The following CSMD1 variants were observed in gnomAD, a reference collection of about 807,000 sequenced individuals.
The protein encoded by CSMD1 is CUB and Sushi multiple domains 1.
In CSMD1, 213 loss-of-function variants were observed where a neutral mutation model predicts 417.5. The ratio of observed to expected loss-of-function variants is 0.51; its 90% CI spans 0.46 to 0.57. CSMD1 has a LOEUF of 0.57. Ranked by LOEUF, CSMD1 falls within the 20% of genes least tolerant of loss-of-function variation. The pLI, the probability that CSMD1 is intolerant of heterozygous loss-of-function variation, is 0.00. For synonymous variants in CSMD1, 2,862 were observed against 1,736.8 expected, an observed-to-expected ratio of 1.65 and a Z score of -16.11; for missense variants, 6,923 against 4,529.7, an observed-to-expected ratio of 1.53 and a Z score of -15.17.
chr8:3,261,444 C>A (rs1037779026), intron 26 of CSMD1, among the ~76,000 whole-genome samples: 6 of 152,062 alleles, frequency 3.9e-5, no homozygotes, highest in Middle Eastern at 3.2e-3. Context: ...GCGCCAAAAT[C>A]CTACAAATCA....
At position 4,047,798 on chromosome 8, in the gene CSMD1, G is replaced by T. The variant is rs60625973; in HGVS notation, c.416-15699C>A. Among the ~76,000 whole-genome samples the T allele has an allele frequency of 3.3e-5, 5 of 151,930 alleles. No homozygotes were observed. In the East Asian group the frequency reaches 5.8e-4, roughly 18 times the overall value. On this transcript the variant is annotated intron_variant, in intron 3 of 69. Transcript: ENST00000635120. Reference sequence around the variant, plus strand: ...AGGTAGAGAATGCAATTTTACATTAGGTAGTCAGGAAACACCTCAATAAGA... The same window carrying T: ...AGGTAGAGAATGCAATTTTACATTATGTAGTCAGGAAACACCTCAATAAGA...
intron 5 of CSMD1, among the ~76,000 whole-genome samples, chr8:3,882,997 C>G (rs1200487798): frequency 6.6e-6 from 1 of 152,152 alleles, no homozygotes; most frequent in Non-Finnish European, 1.5e-5. Flanking sequence ...GATATGTGCA[C>G]ACTTCTGCAT....
chr8:4,439,096 G>A (rs898243518), intron 2 of CSMD1, among the ~76,000 whole-genome samples: 2 of 151,942 alleles, frequency 1.3e-5, no homozygotes, highest in East Asian at 3.9e-4. Context: ...TGTATTATAT[G>A]GTTCACACTA....
chr8:4,851,043 C>T (rs1193063196), intron 1 of CSMD1, among the ~76,000 whole-genome samples: 1 of 151,828 alleles, frequency 6.6e-6, no homozygotes, highest in East Asian at 1.9e-4. Flanking sequence ...TGGTGTGCTG[C>T]ACCCATTAAC....
At chr8:2,993,466 G>A (rs546974999) in intron 54 of CSMD1, among the ~76,000 whole-genome samples, 5 of 152,172 alleles carry the variant, frequency 3.3e-5, no homozygotes, top group Admixed American at 1.3e-4. Context: ...GGGCACTGAG[G>A]CAGAGGCAAA....
At chr8:3,369,515 T>TTATG (rs1809814277) in intron 18 of CSMD1, 145 bp from the exon 19 acceptor site, 1 of 592,394 alleles carries the variant, frequency 1.7e-6, no homozygotes, top group Non-Finnish European at 3.0e-6. Flanking sequence ...AACCTGAGCT[T>TTATG]TATGTTACTT....
intron 1 of CSMD1, among the ~76,000 whole-genome samples, chr8:4,641,504 C>T (rs77009235): frequency 0.039 from 5,957 of 152,196 alleles, 148 homozygotes; most frequent in East Asian, 0.1. Context: ...TTCACATATA[C>T]TCTTTGTTGA....
At chr8:4,689,799 A>G (rs1806648111) in intron 1 of CSMD1, among the ~76,000 whole-genome samples, 1 of 152,102 alleles carries the variant, frequency 6.6e-6, no homozygotes, top group Admixed American at 6.6e-5. Flanking sequence ...TCCATATGGA[A>G]TTTATCTATG....
At chr8:4,174,443 G>T (rs1016380838) in intron 3 of CSMD1, among the ~76,000 whole-genome samples, 1 of 151,662 alleles carries the variant, frequency 6.6e-6, no homozygotes, top group Non-Finnish European at 1.5e-5. Flanking sequence ...TCCTGACAAT[G>T]GTTTTTCTAT....
At chr8:4,584,126 C>G (rs1266949960) in intron 2 of CSMD1, among the ~76,000 whole-genome samples, 1 of 152,020 alleles carries the variant, frequency 6.6e-6, no homozygotes, top group Non-Finnish European at 1.5e-5. Flanking sequence ...CACATCCGAA[C>G]GTCAGAAGGA....
intron 2 of CSMD1, among the ~76,000 whole-genome samples, chr8:4,424,438 T>G (rs1325935286): frequency 6.6e-6 from 1 of 151,916 alleles, no homozygotes; most frequent in Non-Finnish European, 1.5e-5. Flanking sequence ...CACGAATATT[T>G]ACTCTACATC....
In CSMD1 at chr8:4,580,306, T is replaced by G. The variant is rs528976407; in HGVS notation, c.302+57036A>C. ...GTGTCTCCATGCTCATTAATTTATT[T>G]CCAGGAAGGTACATGAAAGACATGA... is the stretch of plus-strand genomic sequence containing the variant. On this transcript the variant is annotated intron_variant, in intron 2 of 69. Transcript: ENST00000635120. Among the ~76,000 whole-genome samples the G allele has an allele frequency of 4.6e-5, 7 of 152,336 alleles. No individual in the cohort carries two copies. In the East Asian group the frequency reaches 1.4e-3, roughly 29 times the overall value.
chr8:3,090,183 G>C (rs921872289), intron 48 of CSMD1, among the ~76,000 whole-genome samples: 1 of 152,132 alleles, frequency 6.6e-6, no homozygotes, highest in African/African-American at 2.4e-5. Context: ...CGGGCGCGGT[G>C]GCGGGCGCCT....
chr8:3,373,544 T>C (rs959063690), intron 18 of CSMD1: 22 of 152,178 alleles, frequency 1.4e-4, no homozygotes, highest in African/African-American at 4.6e-4. Context: ...TCACCTAAAA[T>C]TGAAGTGAGG....
rs374222175 is a variant in CSMD1, at chr8:3,838,883, TTATAA to T, written c.819-84846_819-84842del. Among the ~76,000 whole-genome samples, 352 of 101,192 alleles carry T rather than the reference TTATAA, an allele frequency of 3.5e-3. 31 individuals carry two copies. The highest frequency in any genetic ancestry group is 5.5e-3 in the Non-Finnish European group (307 of 55,398). The allele number at this position is 101,192 out of a possible 152,430, so 66.4% of individuals were successfully genotyped here. A position where few individuals can be genotyped will look rare whatever the true frequency, so the allele number is the denominator to read the frequency against. ...TACTATTAATTATATATAATATTAA[TTATAA>T]TATATAATAATATATACTCTAGATA... is the stretch of plus-strand genomic sequence containing the variant. On this transcript the variant is annotated intron_variant, in intron 5 of 69. Coordinates refer to ENST00000635120, the MANE Select transcript of CSMD1 (RefSeq NM_033225.6).
intron 10 of CSMD1, among the ~76,000 whole-genome samples, chr8:3,542,695 G>C (rs141881611): frequency 1.5e-3 from 223 of 152,318 alleles, no homozygotes; most frequent in African/African-American, 5.0e-3. Flanking sequence ...AATGTCTCAA[G>C]AATAACTGTC....
Position 3,026,427 on chromosome 8 carries a change from T to A in CSMD1, c.7855+2892A>T, listed in dbSNP as rs371225311. 2.3e-4 allele frequency among the ~76,000 whole-genome samples: 34 copies of A among 150,734 alleles called. No individual in the cohort carries two copies. In the East Asian group the frequency reaches 5.7e-3, roughly 25 times the overall value. ...GGGCCTGACTGGACCTCACTGGACT[T>A]CACTGGGCCTCACTGGGCCTGACTG... On this transcript the variant is annotated intron_variant, in intron 51 of 69. Transcript: ENST00000635120.
At chr8:4,835,126 G>A (rs10087766) in intron 1 of CSMD1, among the ~76,000 whole-genome samples, 56,391 of 151,638 alleles carry the variant, frequency 0.37, 12,427 homozygotes, top group East Asian at 0.66. Flanking sequence ...TTATTAAGGC[G>A]GCAACTCTAG....
rs537211379 is a variant in CSMD1 at position 4,617,374 on chromosome 8, A to G, written c.302+19968T>C. On this transcript the variant is annotated intron_variant, in intron 2 of 69. Transcript: ENST00000635120. ...TGTAAACAGAGCTGATTACAACCTCATCTAACACTGGACTCCAATAACCCT... is the reference window on the plus strand; with the variant it reads ...TGTAAACAGAGCTGATTACAACCTCGTCTAACACTGGACTCCAATAACCCT... Among the ~76,000 whole-genome samples the G allele has an allele frequency of 4.6e-5, 7 of 152,310 alleles. No homozygotes were observed. In the South Asian group the frequency reaches 1.2e-3, roughly 27 times the overall value.
Sources: allele counts gnomAD v4.1 joint callset (sites outside exome capture counted in the v4.1 genomes callset), GRCh38; gene constraint gnomAD v4.1.1; transcripts MANE v1.5; gene names NCBI Gene and HGNC (gene_info 2026-07-23, HGNC 2026-07-21).